NUP210L: variants seen among roughly 807,000 people sequenced by gnomAD.
NUP210L encodes nucleoporin 210 like, also known as nuclear pore membrane glycoprotein 210-like.
A neutral mutation model predicts 208.5 loss-of-function variants in NUP210L; 74 were observed. The ratio of observed to expected loss-of-function variants is 0.35; its 90% CI spans 0.29 to 0.43. The LOEUF is 0.43. Ranked by LOEUF, NUP210L falls within the 20% of genes least tolerant of loss-of-function variation. The pLI is 1.00. For missense variants in NUP210L, 1,843 were observed against 2,289.4 expected, an observed-to-expected ratio of 0.81 and a Z score of 3.98; for synonymous variants, 780 against 816.9, an observed-to-expected ratio of 0.95 and a Z score of 0.77.
intron 37 of NUP210L, among the ~76,000 whole-genome samples, chr1:154,000,042 G>A (rs1650119450): frequency 6.6e-6 from 1 of 151,938 alleles, no homozygotes; most frequent in South Asian, 2.1e-4. Context: ...TGTTCCCCAG[G>A]CTGGTCTTGA....
chr1:154,001,699 A>C (rs1357148967), intron 36 of NUP210L, 36 bp downstream of exon 36: 11 of 1,597,656 alleles, frequency 6.9e-6, no homozygotes, highest in Non-Finnish European at 9.4e-6. Context: ...CAAATTCCTG[A>C]TCTCTTGTTC....
At chr1:154,108,468 T>TCAACAACACATTTTTTTTA (rs1557982146) in intron 12 of NUP210L, among the ~76,000 whole-genome samples, 3 of 151,844 alleles carry the variant, frequency 2.0e-5, no homozygotes, top group African/African-American at 7.3e-5. Flanking sequence ...GCAACCAGCC[T>TCAACAACACATTTTTTTTA]AGAGTTTTGA....
At chr1:154,062,463 A>G (rs868567092) in intron 17 of NUP210L, among the ~76,000 whole-genome samples, 29 of 150,168 alleles carry the variant, frequency 1.9e-4, no homozygotes, top group African/African-American at 7.1e-4. Context: ...TTAAACTTGT[A>G]TTTGAAGGCT....
At chr1:154,073,616 A>G (rs1192955827) in intron 16 of NUP210L, among the ~76,000 whole-genome samples, 1 of 151,906 alleles carries the variant, frequency 6.6e-6, no homozygotes, top group Non-Finnish European at 1.5e-5. Flanking sequence ...GGAGTTCGAG[A>G]CCAGCCTGGC....
chr1:154,154,788 A>T, intron 1 of NUP210L, 54 bp downstream of exon 1: 1 of 1,420,970 alleles, frequency 7.0e-7, no homozygotes, highest in Non-Finnish European at 9.9e-7. Context: ...AACCCCCCTC[A>T]CCCTTACTGG....
intron 6 of NUP210L, among the ~76,000 whole-genome samples, chr1:154,136,689 G>C (rs1658562668): frequency 6.6e-6 from 1 of 151,380 alleles, no homozygotes. Flanking sequence ...GGGAAGCCGA[G>C]GTGGGTGAAC....
At chr1:154,095,657 T>A (rs1192223756) in intron 14 of NUP210L, among the ~76,000 whole-genome samples, 1 of 152,164 alleles carries the variant, frequency 6.6e-6, no homozygotes. Context: ...TGCATAAGCA[T>A]TTTTTTCAGG....
In NUP210L at chr1:154,116,112, G is replaced by A. The variant is rs988811304; in HGVS notation, c.1620+1613C>T. Among the ~76,000 whole-genome samples, 34 of 152,040 alleles carry A rather than the reference G, an allele frequency of 2.2e-4. 1 individual carries two copies. Among genetic ancestry groups the A allele is most frequent in the Admixed American group, 8.5e-4 (13 of 15,244 alleles). On this transcript the variant is annotated intron_variant, in intron 12 of 39. Transcript: ENST00000368559. ...CTATTAAAAATACAAAAAATTGGCC[G>A]GGCATGGTGGCACATGCCTGTAGTC... is the stretch of plus-strand genomic sequence containing the variant.
At chr1:154,104,935 G>A (rs1212408033) in intron 12 of NUP210L, among the ~76,000 whole-genome samples, 1 of 152,128 alleles carries the variant, frequency 6.6e-6, no homozygotes, top group African/African-American at 2.4e-5. Context: ...CACCCCAGGT[G>A]CACAGCTCAT....
At chr1:154,087,977 G>A (rs1021829032) in intron 16 of NUP210L, among the ~76,000 whole-genome samples, 8 of 152,094 alleles carry the variant, frequency 5.3e-5, no homozygotes, top group South Asian at 4.1e-4. Flanking sequence ...AGTTTCTTCC[G>A]GAGAAAATGA....
intron 27 of NUP210L, among the ~76,000 whole-genome samples, chr1:154,045,482 TAATA>T (rs1213292812): frequency 7.2e-5 from 11 of 152,132 alleles, no homozygotes; most frequent in Non-Finnish European, 1.5e-4. Flanking sequence ...ACAACAACAT[TAATA>T]AATACAATAT....
intron 12 of NUP210L, among the ~76,000 whole-genome samples, chr1:154,117,420 A>C (rs1657385441): frequency 6.6e-6 from 1 of 152,120 alleles, no homozygotes; most frequent in African/African-American, 2.4e-5. Context: ...ACCTCTACTA[A>C]AAATACAAAA....
intron 35 of NUP210L, among the ~76,000 whole-genome samples, chr1:154,004,294 C>T (rs562435139): frequency 4.6e-5 from 7 of 152,162 alleles, no homozygotes; most frequent in African/African-American, 1.7e-4. Flanking sequence ...TGGTCTCGAT[C>T]TCCTGACCTC....
At chr1:154,100,279 G>C in intron 13 of NUP210L, 136 bp from the exon 14 acceptor site, 1 of 701,798 alleles carries the variant, frequency 1.4e-6, no homozygotes, top group Non-Finnish European at 2.4e-6. Context: ...GTGAAACCCC[G>C]TGTCTACAAA....
At chr1:154,076,070 T>G (rs1324529639) in intron 16 of NUP210L, among the ~76,000 whole-genome samples, 1 of 151,576 alleles carries the variant, frequency 6.6e-6, no homozygotes, top group East Asian at 1.9e-4. Context: ...ATTACAGGTA[T>G]GAGCCACCAT....
exon 10 of NUP210L, chr1:154,126,413 T>G: frequency 6.2e-7 from 1 of 1,613,446 alleles, no homozygotes; most frequent in Non-Finnish European, 8.5e-7. Flanking sequence ...TCACGGTAGT[T>G]AGTTGCTCTT....
chr1:154,010,956 A>G (rs946861201), intron 34 of NUP210L, among the ~76,000 whole-genome samples: 1 of 152,144 alleles, frequency 6.6e-6, no homozygotes, highest in African/African-American at 2.4e-5. Context: ...TTTGTTTTTC[A>G]TATACAATGT....
intron 31 of NUP210L, 140 bp downstream of exon 31, chr1:154,022,982 A>T: frequency 1.2e-6 from 1 of 866,726 alleles, no homozygotes; most frequent in Non-Finnish European, 1.7e-6. Context: ...GGCCTCACTT[A>T]AAAAAATTTT....
At chr1:154,121,827 A>G (rs930468126) in intron 10 of NUP210L, among the ~76,000 whole-genome samples, 3 of 151,964 alleles carry the variant, frequency 2.0e-5, no homozygotes, top group Non-Finnish European at 4.4e-5. Flanking sequence ...AGATCGTTCC[A>G]CTGCTCTCCA....
Sources: gnomAD v4.1 joint callset for allele counts (sites outside exome capture counted in the v4.1 genomes callset) on GRCh38, gnomAD v4.1.1 for gene constraint, MANE v1.5 for transcripts, NCBI Gene and HGNC (gene_info 2026-07-23, HGNC 2026-07-21) for gene names.